The following ECT2 variants were observed in gnomAD, a reference collection of about 807,000 sequenced individuals.
ECT2 encodes the protein protein ECT2.
A neutral mutation model predicts 116.9 loss-of-function variants in ECT2; 61 were observed. The observed-to-expected ratio is 0.52, with a 90% CI of 0.42 to 0.65. The LOEUF is 0.65. ECT2 is among the 30% of genes least tolerant of loss of function. The probability of loss-of-function intolerance (pLI) is 0.00; values close to 1 mark genes in which losing one functional copy is unlikely to be tolerated. For missense variants in ECT2, 937 were observed against 1,078.7 expected (o/e 0.87, Z 1.84); for synonymous variants, 358 against 346.4 (o/e 1.03, Z -0.37).
chr3:172,774,393 T>C (rs1721263821), intron 14 of ECT2, among the ~76,000 whole-genome samples: 1 of 152,112 alleles, frequency 6.6e-6, no homozygotes, highest in Non-Finnish European at 1.5e-5. Flanking sequence ...AGAGATGGGT[T>C]TTGTCATGCT....
chr3:172,768,977 A>G (rs771383559), intron 12 of ECT2, 30 bp from the exon 13 acceptor site: 2 of 1,562,142 alleles, frequency 1.3e-6, no homozygotes, highest in Non-Finnish European at 1.7e-6. Context: ...TTTGGCTTCC[A>G]TTAAATCTTT....
chr3:172,818,114 C>T (rs1026274797), intron 24 of ECT2, among the ~76,000 whole-genome samples: 4 of 152,164 alleles, frequency 2.6e-5, no homozygotes, highest in Admixed American at 2.0e-4. Context: ...AGGTAAGACA[C>T]ATAAATAATA....
intron 20 of ECT2, among the ~76,000 whole-genome samples, chr3:172,804,276 A>G (rs1727275872): frequency 1.3e-5 from 2 of 152,216 alleles, no homozygotes. Flanking sequence ...AAATCTCACC[A>G]GAAATTCACT....
At chr3:172,775,291 G>T (rs1191264663) in intron 14 of ECT2, among the ~76,000 whole-genome samples, 2 of 152,134 alleles carry the variant, frequency 1.3e-5, no homozygotes, top group Non-Finnish European at 2.9e-5. Flanking sequence ...ATTACAGGAT[G>T]TTTTCAAATA....
intron 21 of ECT2, 80 bp from the exon 22 acceptor site, chr3:172,807,690 T>C: frequency 6.8e-7 from 1 of 1,469,120 alleles, no homozygotes. Flanking sequence ...ATTTCATTGC[T>C]CTGAGGGAAC....
chr3:172,753,052 A>G (rs989394689), intron 1 of ECT2, among the ~76,000 whole-genome samples: 3 of 152,150 alleles, frequency 2.0e-5, no homozygotes, highest in African/African-American at 7.2e-5. Context: ...TTAGAAATTT[A>G]CTCTCAGTAA....
At chr3:172,826,626 TG>T in the ECT2 span, among the ~76,000 whole-genome samples, 1 of 152,226 alleles carries the variant, frequency 6.6e-6, no homozygotes, top group African/African-American at 2.4e-5. Context: ...TCAACAGCAC[TG>T]CATGCTACAG....
intron 15 of ECT2, 140 bp downstream of exon 15, chr3:172,782,371 T>C (rs974748668): frequency 4.4e-6 from 2 of 456,994 alleles, no homozygotes; most frequent in Non-Finnish European, 7.6e-6. Context: ...ACATTGGAAA[T>C]GTTCTTTGTC....
chr3:172,802,666 A>T lies in ECT2; in HGVS notation c.1958A>T (p.Asp653Val). Residue 653 changes from aspartate (D) to valine (V), a missense_variant, in exon 19 of 25, where the codon GAT becomes GTT. Physicochemically the swap from Asp to Val is radical, Grantham distance 152. Coordinates refer to ENST00000392692, the MANE Select transcript of ECT2 (RefSeq NM_001258315.2). The part of the protein sequence containing the change: ...RKTEAQKQIF[D>V]VVYEVDGCPA... ...ACAGAAGCTCAAAAGCAAATTTTTG[A>T]TGTTGTTTATGAAGTAGATGGATGC... 1 of 1,603,404 alleles carries T rather than the reference A, an allele frequency of 6.2e-7. No individual in the cohort carries two copies. Among genetic ancestry groups the T allele is most frequent in the South Asian group, 1.1e-5 (1 of 88,304 alleles).
At chr3:172,797,377 G>A (rs749423937) in intron 18 of ECT2, among the ~76,000 whole-genome samples, 11 of 152,086 alleles carry the variant, frequency 7.2e-5, no homozygotes, top group Non-Finnish European at 1.2e-4. Flanking sequence ...ATGATTTTCA[G>A]GTCATACATT....
the ECT2 span, among the ~76,000 whole-genome samples, chr3:172,828,175 C>T: frequency 6.6e-5 from 10 of 152,088 alleles, no homozygotes; most frequent in Non-Finnish European, 1.3e-4. Flanking sequence ...ATAAAAGATA[C>T]ACAAAATCCC....
chr3:172,766,410 G>T (rs985862265), intron 12 of ECT2, among the ~76,000 whole-genome samples: 2 of 152,192 alleles, frequency 1.3e-5, no homozygotes, highest in Non-Finnish European at 2.9e-5. Context: ...GAGCAGCAGA[G>T]AAATTGATTG....
intron 18 of ECT2, among the ~76,000 whole-genome samples, chr3:172,788,702 G>A (rs1245735757): frequency 2.0e-5 from 3 of 152,208 alleles, no homozygotes; most frequent in Non-Finnish European, 4.4e-5. Flanking sequence ...TATAGCCTGT[G>A]AATTGTGCAG....
At chr3:172,802,085 T>A (rs1726816643) in intron 18 of ECT2, among the ~76,000 whole-genome samples, 2 of 151,576 alleles carry the variant, frequency 1.3e-5, no homozygotes, top group African/African-American at 4.9e-5. Flanking sequence ...TCTGAAGGAG[T>A]CTATGGATGT....
In ECT2 at chr3:172,792,336, A is replaced by G. The variant is rs562671910; in HGVS notation, c.1907+5762A>G. ...CAAACGTTCAATCTGTGAAACAACAACAGCAACAACAAAGAAAACACTATA... is the reference window on the plus strand; with the variant it reads ...CAAACGTTCAATCTGTGAAACAACAGCAGCAACAACAAAGAAAACACTATA... On this transcript the variant is annotated intron_variant, in intron 18 of 24. Transcript: ENST00000392692. 3.9e-5 allele frequency among the ~76,000 whole-genome samples: 6 copies of G among 152,354 alleles called. No individual in the cohort carries two copies. The East Asian group carries it at 1.2e-3, about 29-fold the overall frequency.
At chr3:172,765,431 T>C (rs950949412) in intron 12 of ECT2, among the ~76,000 whole-genome samples, 4 of 152,152 alleles carry the variant, frequency 2.6e-5, no homozygotes, top group African/African-American at 7.2e-5. Context: ...ACTCCCAAAT[T>C]TGTCCTCTTC....
At chr3:172,768,043 T>C (rs975450665) in intron 12 of ECT2, among the ~76,000 whole-genome samples, 2 of 152,216 alleles carry the variant, frequency 1.3e-5, no homozygotes, top group African/African-American at 4.8e-5. Context: ...CAAATTTTTT[T>C]CTTTCATGAA....
intron 17 of ECT2, among the ~76,000 whole-genome samples, chr3:172,785,696 T>C (rs1440279685): frequency 6.6e-6 from 1 of 152,206 alleles, no homozygotes; most frequent in Admixed American, 6.5e-5. Context: ...TAGTACTAAC[T>C]AAAAATCTGA....
At chr3:172,816,493 A>G (rs775100992) in intron 23 of ECT2, among the ~76,000 whole-genome samples, 198 bp from the exon 24 acceptor site, 2 of 152,068 alleles carry the variant, frequency 1.3e-5, no homozygotes, top group Non-Finnish European at 2.9e-5. Context: ...TCCTCCTTCC[A>G]TTGGACTGCA....
Sources: gnomAD v4.1 joint callset for allele counts (sites outside exome capture counted in the v4.1 genomes callset) on GRCh38, gnomAD v4.1.1 for gene constraint, MANE v1.5 for transcripts, NCBI Gene and HGNC (gene_info 2026-07-23, HGNC 2026-07-21) for gene names.